BMPER: variants seen among roughly 807,000 people sequenced by gnomAD.
The protein encoded by BMPER is BMP-binding endothelial regulator protein.
Under a neutral mutation model 87.3 loss-of-function variants are expected in BMPER, and 45 were observed. The observed-to-expected ratio is 0.52, with a 90% confidence interval of 0.41 to 0.66. The LOEUF is 0.66. Ranked by LOEUF, BMPER falls within the 30% of genes least tolerant of loss-of-function variation. BMPER has a pLI of 0.00. For missense variants in BMPER, 784 were observed against 867.5 expected (o/e 0.90, Z 1.21); for synonymous variants, 326 against 316.2 (o/e 1.03, Z -0.33).
In BMPER at chr7:34,085,784, T is replaced by C; in HGVS notation, c.1437T>C (p.Ser479=). The change falls in exon 13 of 15, where the codon AGT becomes AGC. Residue 479 remains serine (S), a synonymous_variant. Coordinates refer to ENST00000649409, the MANE Select transcript of BMPER (RefSeq NM_001365308.1). The part of the protein sequence containing the change: ...AGLEISWDGD[S]FVEVMAAPHL... ...TGGAAATATCTTGGGATGGAGACAG[T>C]TTTGTAGAAGTCATGGCTGCGCCGC... The C allele has an allele frequency of 6.2e-7, 1 of 1,614,144 alleles. No homozygotes were observed. The highest frequency in any genetic ancestry group is 1.3e-5 in the African/African-American group (1 of 75,046).
At chr7:33,914,491 T>G (rs1195112601) in intron 2 of BMPER, among the ~76,000 whole-genome samples, 1 of 151,962 alleles carries the variant, frequency 6.6e-6, no homozygotes, top group African/African-American at 2.4e-5. Flanking sequence ...GACGGGGTCA[T>G]GTGGGTGGGT....
intron 3 of BMPER, among the ~76,000 whole-genome samples, chr7:33,953,164 C>T (rs986677417): frequency 6.6e-6 from 1 of 152,204 alleles, no homozygotes; most frequent in Non-Finnish European, 1.5e-5. Flanking sequence ...TGTGGCATGG[C>T]CACCTTGATG....
At chr7:33,926,432 A>G (rs1784364120) in intron 2 of BMPER, among the ~76,000 whole-genome samples, 1 of 152,222 alleles carries the variant, frequency 6.6e-6, no homozygotes, top group Non-Finnish European at 1.5e-5. Context: ...TCCTTTAAAA[A>G]ATGGGCACAT....
intron 11 of BMPER, among the ~76,000 whole-genome samples, chr7:34,066,311 T>G (rs1788590113): frequency 6.6e-6 from 1 of 152,208 alleles, no homozygotes; most frequent in Non-Finnish European, 1.5e-5. Flanking sequence ...CAATGATGAT[T>G]CTCTCAAAAT....
intron 5 of BMPER, among the ~76,000 whole-genome samples, chr7:33,973,940 G>A (rs910727360): frequency 6.6e-6 from 1 of 152,106 alleles, no homozygotes; most frequent in Non-Finnish European, 1.5e-5. Context: ...TCTGAATAGG[G>A]AACACCTCCT....
intron 13 of BMPER, among the ~76,000 whole-genome samples, chr7:34,126,737 C>T (rs528913504): frequency 5.3e-4 from 80 of 152,244 alleles, no homozygotes; most frequent in Non-Finnish European, 1.0e-3. Context: ...CTTCACTCAC[C>T]TTTTAAATTT....
chr7:34,004,129 G>A (rs1030112231), intron 6 of BMPER, among the ~76,000 whole-genome samples: 5 of 151,946 alleles, frequency 3.3e-5, no homozygotes, highest in South Asian at 2.1e-4. Context: ...AATGTCAAAT[G>A]TTTTGTCCTC....
chr7:34,095,927 CT>C (rs557703838), intron 13 of BMPER, among the ~76,000 whole-genome samples: 8,933 of 147,312 alleles, frequency 0.061, 551 homozygotes, highest in African/African-American at 0.16. Context: ...TCTGAATTTC[CT>C]TTTTTTTTTT....
chr7:33,926,320 A>C (rs1356571119), intron 2 of BMPER, among the ~76,000 whole-genome samples: 1 of 152,154 alleles, frequency 6.6e-6, no homozygotes, highest in Admixed American at 6.5e-5. Flanking sequence ...TTCTGCAGAA[A>C]TTTTTGCCTT....
chr7:34,047,795 C>CTCCCTTCCTTCCCTCCTTCCTTCCTTCA (rs1788016110), intron 7 of BMPER, among the ~76,000 whole-genome samples: 1 of 33,454 alleles, frequency 3.0e-5, no homozygotes. Flanking sequence ...TCTTTCCTTC[C>CTCCCTTCCTTCCCTCCTTCCTTCCTTCA]TTCCTTCCTT....
At chr7:33,971,306 C>T (rs978435096) in intron 5 of BMPER, among the ~76,000 whole-genome samples, 2 of 152,080 alleles carry the variant, frequency 1.3e-5, no homozygotes, top group South Asian at 2.1e-4. Context: ...TTCCTCCATG[C>T]AGTCTCAAAG....
chr7:33,958,589 A>G (rs1785200942), intron 3 of BMPER, among the ~76,000 whole-genome samples: 1 of 152,176 alleles, frequency 6.6e-6, no homozygotes, highest in Non-Finnish European at 1.5e-5. Flanking sequence ...CATTTTTACT[A>G]CTGAAGCTAT....
At chr7:33,937,941 T>C (rs1480158487) in intron 3 of BMPER, among the ~76,000 whole-genome samples, 3 of 152,186 alleles carry the variant, frequency 2.0e-5, no homozygotes, top group Non-Finnish European at 2.9e-5. Flanking sequence ...CACATGCTCC[T>C]TCTGGAATGT....
intron 6 of BMPER, among the ~76,000 whole-genome samples, chr7:34,011,679 G>A (rs1320898436): frequency 6.7e-6 from 1 of 149,226 alleles, no homozygotes; most frequent in African/African-American, 2.5e-5. Flanking sequence ...GAATTCTTTT[G>A]AATAAGAAGA....
chr7:34,107,539 T>C (rs960986502), intron 13 of BMPER, among the ~76,000 whole-genome samples: 1 of 152,224 alleles, frequency 6.6e-6, no homozygotes, highest in African/African-American at 2.4e-5. Context: ...TGGAGCGTTA[T>C]GTAATTTGGA....
intron 6 of BMPER, among the ~76,000 whole-genome samples, chr7:34,004,341 A>G (rs1437179410): frequency 6.6e-6 from 1 of 151,994 alleles, no homozygotes; most frequent in African/African-American, 2.4e-5. Flanking sequence ...TTGAACATTT[A>G]TAATAGCTGG....
At chr7:34,103,610 G>A (rs936975949) in intron 13 of BMPER, among the ~76,000 whole-genome samples, 2 of 152,154 alleles carry the variant, frequency 1.3e-5, no homozygotes, top group South Asian at 2.1e-4. Context: ...GAGGCAGAGG[G>A]GGAAGGGGAT....
intron 7 of BMPER, among the ~76,000 whole-genome samples, chr7:34,051,121 C>T (rs1414344433): frequency 4.6e-5 from 7 of 152,094 alleles, no homozygotes; most frequent in Non-Finnish European, 8.8e-5. Flanking sequence ...TTTGTTGTCA[C>T]GTCGTGGTGA....
chr7:33,940,283 C>T (rs897895210), intron 3 of BMPER, among the ~76,000 whole-genome samples: 1 of 152,114 alleles, frequency 6.6e-6, no homozygotes, highest in African/African-American at 2.4e-5. Flanking sequence ...ACATATCGTC[C>T]TTAATAGATA....
Sources: gnomAD v4.1 joint callset for allele counts (sites outside exome capture counted in the v4.1 genomes callset) on GRCh38, gnomAD v4.1.1 for gene constraint, MANE v1.5 for transcripts, NCBI Gene and HGNC (gene_info 2026-07-23, HGNC 2026-07-21) for gene names.